SIL1: variants seen among roughly 807,000 people sequenced by gnomAD.
The protein encoded by SIL1 is nucleotide exchange factor SIL1.
A neutral mutation model predicts 49.1 loss-of-function variants in SIL1; 40 were observed. That is an observed-to-expected ratio of 0.81 (90% CI 0.63 to 1.06). The LOEUF (loss-of-function observed/expected upper bound fraction) is 1.06, where lower values mean the gene tolerates loss of function less well. SIL1 is among the 50% of genes least tolerant of loss of function. SIL1 has a pLI of 0.00. For missense variants in SIL1, 500 were observed against 572.6 expected, an observed-to-expected ratio of 0.87 and a Z score of 1.29; for synonymous variants, 253 against 250.8, an observed-to-expected ratio of 1.01 and a Z score of -0.08.
At chr5:138,957,920 C>CTTTT (rs528121887) in intron 7 of SIL1, among the ~76,000 whole-genome samples, 1 of 141,188 alleles carries the variant, frequency 7.1e-6, no homozygotes, top group African/African-American at 2.6e-5. Context: ...TTAAGAAACA[C>CTTTT]TTTTTTTTTT....
At chr5:139,073,307 C>T (rs553203311) in intron 3 of SIL1, among the ~76,000 whole-genome samples, 21 of 152,124 alleles carry the variant, frequency 1.4e-4, no homozygotes, top group Non-Finnish European at 2.8e-4. Context: ...TCCTCAATCT[C>T]CATCAATGCA....
rs1291608228 is a variant in SIL1 at position 139,044,739 on chromosome 5, C to T, written c.354-2020G>A. On this transcript the variant is annotated intron_variant, in intron 4 of 9. Transcript: ENST00000394817. The stretch of plus-strand genomic sequence containing the variant: ...TTACACCGCTCCCTCCTGCCTGCAT[C>T]ATCAATTTCTCCCTTCAGCTGGATT... Among the ~76,000 whole-genome samples, 5 of 152,136 alleles carry T rather than the reference C, an allele frequency of 3.3e-5. No individual in the cohort carries two copies. The East Asian group carries it at 9.6e-4, about 29-fold the overall frequency.
intron 3 of SIL1, among the ~76,000 whole-genome samples, chr5:139,118,720 T>C (rs184119916): frequency 1.3e-5 from 2 of 152,290 alleles, no homozygotes; most frequent in Admixed American, 6.5e-5. Context: ...TGTGGTAAAT[T>C]AAGTACCATA....
intron 9 of SIL1, 146 bp downstream of exon 9, chr5:138,951,024 CT>C: frequency 1.1e-6 from 1 of 931,330 alleles, no homozygotes; most frequent in Non-Finnish European, 1.7e-6. Context: ...CGTCCCCAAT[CT>C]CTTCCAACTG....
chr5:139,176,688 C>T (rs1280239068), intron 1 of SIL1, among the ~76,000 whole-genome samples: 1 of 152,040 alleles, frequency 6.6e-6, no homozygotes, highest in Non-Finnish European at 1.5e-5. Flanking sequence ...CAAGGAAGCT[C>T]CTCGGGCCTC....
At chr5:138,997,749 G>T (rs1451063507) in intron 7 of SIL1, among the ~76,000 whole-genome samples, 1 of 152,154 alleles carries the variant, frequency 6.6e-6, no homozygotes, top group Non-Finnish European at 1.5e-5. Context: ...AGCAGAGATG[G>T]GGTTTCACCA....
At chr5:139,134,073 G>A (rs1750923040) in intron 1 of SIL1, among the ~76,000 whole-genome samples, 2 of 152,148 alleles carry the variant, frequency 1.3e-5, no homozygotes, top group Admixed American at 6.5e-5. Flanking sequence ...AGGAAGTACT[G>A]GGTACAGCAC....
chr5:139,102,337 C>A (rs2151783095), intron 3 of SIL1, among the ~76,000 whole-genome samples: 1 of 152,274 alleles, frequency 6.6e-6, no homozygotes, highest in East Asian at 1.9e-4. Flanking sequence ...TTTGTGCAAA[C>A]AACTGGAAGA....
chr5:139,007,251 GCTCT>G (rs1296298961), intron 7 of SIL1, among the ~76,000 whole-genome samples: 2 of 125,436 alleles, frequency 1.6e-5, no homozygotes, highest in Admixed American at 1.6e-4. Flanking sequence ...TCATGATTTG[GCTCT>G]CTGTTTGTCT....
At chr5:139,188,374 C>T (rs1197071400) in intron 1 of SIL1, among the ~76,000 whole-genome samples, 1 of 152,180 alleles carries the variant, frequency 6.6e-6, no homozygotes, top group Non-Finnish European at 1.5e-5. Context: ...CTTGAATGTA[C>T]TAATTCCTAT....
At chr5:139,154,899 A>G (rs1006384759) in intron 1 of SIL1, among the ~76,000 whole-genome samples, 1 of 152,242 alleles carries the variant, frequency 6.6e-6, no homozygotes, top group African/African-American at 2.4e-5. Flanking sequence ...TAATGAACAT[A>G]GTAATTATCC....
At chr5:139,179,270 G>A (rs1581155612) in intron 1 of SIL1, among the ~76,000 whole-genome samples, 1 of 152,160 alleles carries the variant, frequency 6.6e-6, no homozygotes, top group Non-Finnish European at 1.5e-5. Flanking sequence ...AGTGCCCCCC[G>A]AGTGACCCAC....
At chr5:139,011,834 G>A (rs1430370546) in intron 7 of SIL1, among the ~76,000 whole-genome samples, 2 of 152,026 alleles carry the variant, frequency 1.3e-5, no homozygotes, top group South Asian at 2.1e-4. Context: ...CAGAAATTCT[G>A]CCAATTTCAA....
At chr5:139,177,004 C>G (rs1751898355) in intron 1 of SIL1, among the ~76,000 whole-genome samples, 1 of 146,720 alleles carries the variant, frequency 6.8e-6, no homozygotes, top group Admixed American at 6.9e-5. Context: ...GCAAGCTTCG[C>G]TCACTGCAAG....
At chr5:139,073,986 TATG>T (rs1769889145) in intron 3 of SIL1, among the ~76,000 whole-genome samples, 2 of 152,140 alleles carry the variant, frequency 1.3e-5, no homozygotes, top group South Asian at 4.1e-4. Flanking sequence ...TCACCAAAAA[TATG>T]ATAACTATGT....
At chr5:139,012,430 G>A (rs1285926571) in intron 7 of SIL1, 1 of 151,878 alleles carries the variant, frequency 6.6e-6, no homozygotes, top group Non-Finnish European at 1.5e-5. Context: ...CAAAGTGCTG[G>A]CATTACAGGC....
At position 138,947,184 on chromosome 5, in the gene SIL1, C is replaced by G. The variant is rs748716795; in HGVS notation, c.1319G>C (p.Gly440Ala). The stretch of plus-strand genomic sequence containing the variant: ...CTCCTGGAAGTAGCCCTCGTCCTCA[C>G]CATCCTGCAGCTCCAGGCTGGCCAG... ...QVLASLELQD[G>A]EDEGYFQELL... Residue 440 changes from glycine to alanine, a missense_variant, in exon 10 of 10, where the codon GGT (glycine) becomes GCT (alanine). Physicochemically the swap from Gly to Ala is moderately conservative, Grantham distance 60. Coordinates refer to ENST00000394817, the MANE Select transcript of SIL1 (RefSeq NM_022464.5). This position sits in a 1 kb window ranked among gnomAD's most constrained non-coding sequence, Gnocchi z 4.1. The G allele has an allele frequency of 9.9e-6, 16 of 1,613,624 alleles. 1 individual carries two copies. The South Asian group carries it at 1.5e-4, about 16-fold the overall frequency.
At chr5:138,962,182 T>C (rs1767036417) in intron 7 of SIL1, among the ~76,000 whole-genome samples, 1 of 152,122 alleles carries the variant, frequency 6.6e-6, no homozygotes, top group Non-Finnish European at 1.5e-5. Flanking sequence ...TCTGTGCCAG[T>C]TTTATAATTT....
chr5:139,118,672 G>C (rs922846062), intron 3 of SIL1, among the ~76,000 whole-genome samples: 1 of 152,134 alleles, frequency 6.6e-6, no homozygotes, highest in Admixed American at 6.5e-5. Flanking sequence ...TTAATCTTTA[G>C]GTAGATGTGT....
Sources: allele counts gnomAD v4.1 joint callset (sites outside exome capture counted in the v4.1 genomes callset), GRCh38; gene constraint gnomAD v4.1.1; non-coding constraint Gnocchi (gnomAD v3.1); transcripts MANE v1.5; gene names NCBI Gene and HGNC (gene_info 2026-07-23, HGNC 2026-07-21).